SERGEF: variants seen among roughly 807,000 people sequenced by gnomAD.
The protein encoded by SERGEF is secretion-regulating guanine nucleotide exchange factor.
SERGEF carries 51 observed loss-of-function variants against 50.0 expected under a neutral mutation model. The observed-to-expected ratio is 1.02, with a 90% CI of 0.81 to 1.29. The LOEUF is 1.29. Ranked by LOEUF, SERGEF falls within the 50% of genes most tolerant of loss-of-function variation. The probability of loss-of-function intolerance (pLI) is 0.00; values close to 1 mark genes in which losing one functional copy is unlikely to be tolerated. For missense variants in SERGEF, 521 were observed against 557.0 expected (o/e 0.94, Z 0.65); for synonymous variants, 205 against 212.4 (o/e 0.97, Z 0.30).
intron 8 of SERGEF, among the ~76,000 whole-genome samples, chr11:17,962,294 G>T (rs533824123): frequency 5.9e-5 from 9 of 152,040 alleles, no homozygotes; most frequent in African/African-American, 1.9e-4. Flanking sequence ...TGTAAGTGCT[G>T]AAATAAAGGC....
At chr11:17,958,465 C>A (rs1004872758) in intron 9 of SERGEF, among the ~76,000 whole-genome samples, 2 of 152,010 alleles carry the variant, frequency 1.3e-5, no homozygotes, top group Admixed American at 6.6e-5. Context: ...GAAACGCACA[C>A]CCTGGAGAAA....
At chr11:17,926,679 T>C (rs1252872527) in intron 9 of SERGEF, 3 of 449,508 alleles carry the variant, frequency 6.7e-6, no homozygotes, top group African/African-American at 2.0e-5. Context: ...CCTGAATTGA[T>C]TGTTTCCTCT....
At chr11:17,869,655 C>T (rs1248307140) in intron 10 of SERGEF, among the ~76,000 whole-genome samples, 3 of 152,126 alleles carry the variant, frequency 2.0e-5, no homozygotes, top group Admixed American at 6.5e-5. Context: ...CCCTCATGAC[C>T]TAATCACCTC....
At chr11:17,995,256 C>A (rs1343468202) in intron 6 of SERGEF, among the ~76,000 whole-genome samples, 1 of 152,158 alleles carries the variant, frequency 6.6e-6, no homozygotes, top group African/African-American at 2.4e-5. Context: ...ACTCCTGGCC[C>A]CTCTGTCTAC....
rs211099 is a variant in SERGEF, at chr11:17,971,021, C to T, written c.845-11385G>A. 7.0e-3 allele frequency among the ~76,000 whole-genome samples: 1,064 copies of T among 152,020 alleles called. 71 individuals carry two copies. The East Asian group carries it at 0.15, about 22-fold the overall frequency. ...CATCCTGGCTAACATGGTGAAACCC[C>T]GTCTCTACAAAAAATACAAAAACTT... On this transcript the variant is annotated intron_variant, in intron 8 of 10. Coordinates refer to ENST00000265965, the MANE Select transcript of SERGEF (RefSeq NM_012139.4).
chr11:17,883,959 A>G (rs1167975080), intron 9 of SERGEF, among the ~76,000 whole-genome samples: 1 of 152,140 alleles, frequency 6.6e-6, no homozygotes, highest in South Asian at 2.1e-4. Context: ...GGGGCGCGGA[A>G]GAGTGGGGTG....
intron 9 of SERGEF, among the ~76,000 whole-genome samples, chr11:17,950,145 G>A (rs1185754366): frequency 6.6e-6 from 1 of 152,212 alleles, no homozygotes; most frequent in Non-Finnish European, 1.5e-5. Flanking sequence ...GAAGCCGTCA[G>A]AAAGTAAGGG....
At chr11:17,982,510 T>A (rs1222685589) in intron 8 of SERGEF, among the ~76,000 whole-genome samples, 2 of 152,222 alleles carry the variant, frequency 1.3e-5, no homozygotes, top group African/African-American at 4.8e-5. Flanking sequence ...CATCATTAAT[T>A]CCAAAGCACC....
intron 9 of SERGEF, among the ~76,000 whole-genome samples, chr11:17,908,453 ATCCCC>A (rs1247525920): frequency 6.6e-6 from 1 of 152,076 alleles, no homozygotes; most frequent in African/African-American, 2.4e-5. Flanking sequence ...TTCAGACATG[ATCCCC>A]TCCGAGAAGA....
intron 8 of SERGEF, among the ~76,000 whole-genome samples, chr11:17,977,905 C>T (rs963818676): frequency 1.3e-5 from 2 of 152,160 alleles, no homozygotes; most frequent in Non-Finnish European, 2.9e-5. Flanking sequence ...ACATAGGTTT[C>T]TATTGTTTAT....
chr11:17,908,933 ACTT>A (rs1851900926), intron 9 of SERGEF, among the ~76,000 whole-genome samples: 1 of 152,208 alleles, frequency 6.6e-6, no homozygotes, highest in Non-Finnish European at 1.5e-5. Flanking sequence ...GAGAGGTAAA[ACTT>A]CTTCTTGCTG....
At chr11:17,810,808 A>G (rs2133834793) in intron 10 of SERGEF, among the ~76,000 whole-genome samples, 1 of 139,170 alleles carries the variant, frequency 7.2e-6, no homozygotes, top group East Asian at 2.0e-4. Context: ...CAGGTGAAGA[A>G]AAAAAAAAAA....
At chr11:17,969,708 G>A (rs961028292) in intron 8 of SERGEF, among the ~76,000 whole-genome samples, 14 of 152,202 alleles carry the variant, frequency 9.2e-5, no homozygotes, top group African/African-American at 3.1e-4. Context: ...GCTGCCTGGT[G>A]GGGACAGGAA....
intron 8 of SERGEF, among the ~76,000 whole-genome samples, chr11:17,972,255 A>ATT (rs1565219302): frequency 4.6e-5 from 7 of 152,262 alleles, no homozygotes; most frequent in Admixed American, 4.6e-4. Flanking sequence ...AAGTTCTACT[A>ATT]TGAGTAAATG....
At chr11:17,862,906 C>A (rs1030896172) in intron 10 of SERGEF, among the ~76,000 whole-genome samples, 3 of 152,210 alleles carry the variant, frequency 2.0e-5, no homozygotes, top group African/African-American at 7.2e-5. Flanking sequence ...CTGGTCTCTG[C>A]CCCTACAAAC....
rs71962769 is a variant in SERGEF, at chr11:17,830,601, G to GGAGAGA, written c.1049-42194_1049-42189dup. ...GAGAGATGGGGAGAGGGAGAGAGGTGGAGAGAGAGAGAGAGAGAGAGAGAG... is the reference window on the plus strand; with the variant it reads ...GAGAGATGGGGAGAGGGAGAGAGGTGGAGAGAGAGAGAGAGAGAGAGAGAGAGAGAG... On this transcript the variant is annotated intron_variant, in intron 10 of 10. Transcript: ENST00000265965. 2.2e-5 allele frequency among the ~76,000 whole-genome samples: 2 copies of GGAGAGA among 90,874 alleles called. 1 individual carries two copies. Among genetic ancestry groups the GGAGAGA allele is most frequent in the East Asian group, 8.7e-4 (2 of 2,294 alleles). 59.6% of individuals were successfully genotyped at this position (90,874 alleles called of 152,430 possible).
At chr11:17,862,888 GA>G in intron 10 of SERGEF, among the ~76,000 whole-genome samples, 1 of 152,344 alleles carries the variant, frequency 6.6e-6, no homozygotes, top group Middle Eastern at 3.4e-3. Context: ...AAGACAAAAG[GA>G]TGGGGGCTGG....
chr11:17,842,409 C>T (rs1850520963), intron 10 of SERGEF, among the ~76,000 whole-genome samples: 1 of 152,196 alleles, frequency 6.6e-6, no homozygotes, highest in African/African-American at 2.4e-5. Flanking sequence ...GAAGACACCA[C>T]AGCATTGCCA....
At chr11:17,857,837 G>T (rs1373139048) in intron 10 of SERGEF, among the ~76,000 whole-genome samples, 1 of 152,222 alleles carries the variant, frequency 6.6e-6, no homozygotes, top group Non-Finnish European at 1.5e-5. Context: ...AATCGGGATA[G>T]ATTGAGCCCA....
Sources: gnomAD v4.1 joint callset for allele counts (sites outside exome capture counted in the v4.1 genomes callset) on GRCh38, gnomAD v4.1.1 for gene constraint, MANE v1.5 for transcripts, NCBI Gene and HGNC (gene_info 2026-07-23, HGNC 2026-07-21) for gene names.